PATJ: variants seen among roughly 807,000 people sequenced by gnomAD.
PATJ encodes the protein inaD-like protein.
Under a neutral mutation model 224.9 loss-of-function variants are expected in PATJ, and 190 were observed. The observed-to-expected ratio is 0.84, with a 90% CI of 0.75 to 0.95. The LOEUF (loss-of-function observed/expected upper bound fraction) is 0.95, where lower values mean the gene tolerates loss of function less well. PATJ is among the 40% of genes least tolerant of loss of function. The pLI, the probability that PATJ is intolerant of heterozygous loss-of-function variation, is 0.00. For missense variants in PATJ, 2,121 were observed against 2,270.3 expected, an observed-to-expected ratio of 0.93 and a Z score of 1.34; for synonymous variants, 769 against 820.3, an observed-to-expected ratio of 0.94 and a Z score of 1.07.
chr1:62,062,653 A>G (rs1655758767), intron 31 of PATJ, among the ~76,000 whole-genome samples: 1 of 150,514 alleles, frequency 6.6e-6, no homozygotes, highest in Non-Finnish European at 1.5e-5. Flanking sequence ...GCACCACCAC[A>G]CTTGGCTAAT....
chr1:61,871,484 T>C (rs199672828), intron 20 of PATJ, among the ~76,000 whole-genome samples: 299 of 8,452 alleles, frequency 0.035, 2 homozygotes, highest in Middle Eastern at 0.083. Context: ...CATATATATG[T>C]GTATATATGT....
chr1:62,056,787 A>G (rs942305041), intron 31 of PATJ, among the ~76,000 whole-genome samples: 13 of 152,176 alleles, frequency 8.5e-5, no homozygotes, highest in African/African-American at 3.1e-4. Flanking sequence ...TCTCAAAAAT[A>G]AAAAATCACC....
intron 41 of PATJ, among the ~76,000 whole-genome samples, chr1:62,142,849 G>A (rs142514783): frequency 3.4e-4 from 52 of 152,266 alleles, no homozygotes; most frequent in Non-Finnish European, 4.0e-4. Flanking sequence ...AGAGGAGTAG[G>A]CTATGGAGGG....
At chr1:61,996,904 G>A (rs34115734) in intron 28 of PATJ, among the ~76,000 whole-genome samples, 22,231 of 151,504 alleles carry the variant, frequency 0.15, 2,024 homozygotes, top group Non-Finnish European at 0.21. Flanking sequence ...CACCATGCCC[G>A]GCTAATTTTT....
intron 27 of PATJ, among the ~76,000 whole-genome samples, chr1:61,942,397 A>G (rs188924578): frequency 2.9e-4 from 44 of 152,266 alleles, no homozygotes; most frequent in Middle Eastern, 3.4e-3. Flanking sequence ...AAGATCCTCA[A>G]TATCATTAGT....
chr1:62,096,783 C>A lies in PATJ; in HGVS notation c.4378-11654C>A, dbSNP rs1390013130. On this transcript the variant is annotated intron_variant, in intron 33 of 43. Transcript: ENST00000642238. ...GGCACCCACCACCACACCCAGCTAACTTTTTGTATTTTTAGTACAGACGAG... is the reference window on the plus strand; with the variant it reads ...GGCACCCACCACCACACCCAGCTAAATTTTTGTATTTTTAGTACAGACGAG... Among the ~76,000 whole-genome samples, 4 of 152,112 alleles carry A rather than the reference C, an allele frequency of 2.6e-5. No homozygotes were observed. In the East Asian group the frequency reaches 7.8e-4, roughly 29 times the overall value.
intron 31 of PATJ, among the ~76,000 whole-genome samples, chr1:62,057,426 C>T (rs1654734287): frequency 6.6e-6 from 1 of 152,130 alleles, no homozygotes; most frequent in Admixed American, 6.5e-5. Context: ...ATGCTGATGG[C>T]AGTGGGAGGC....
chr1:62,144,777 A>AAATATATATATATATAT lies in PATJ; in HGVS notation c.5272-3506_5272-3505insATATATATATATATATA, dbSNP rs377489788. On this transcript the variant is annotated intron_variant, in intron 41 of 43. Transcript: ENST00000642238. ...TAGAATGTTATTTGCAAAAAAAAAA[A>AAATATATATATATATAT]ATATATATATATATATATAATTAGC... Among the ~76,000 whole-genome samples the AAATATATATATATATAT allele has an allele frequency of 1.0e-4, 12 of 119,100 alleles. No individual in the cohort carries two copies. In the East Asian group the frequency reaches 3.9e-3, roughly 38 times the overall value. 78.1% of individuals were successfully genotyped at this position (119,100 alleles called of 152,430 possible). A position where few individuals can be genotyped will look rare whatever the true frequency, so the allele number is the denominator to read the frequency against.
intron 20 of PATJ, among the ~76,000 whole-genome samples, chr1:61,865,811 G>T (rs535476629): frequency 6.6e-6 from 1 of 152,232 alleles, no homozygotes; most frequent in East Asian, 1.9e-4. Context: ...CACCTTTCCT[G>T]TTGTGATGTG....
In PATJ at chr1:61,829,687, G is replaced by A. The variant is rs112921243; in HGVS notation, c.1980+2104G>A. On this transcript the variant is annotated intron_variant, in intron 16 of 43. Coordinates refer to ENST00000642238, the MANE Select transcript of PATJ (RefSeq NM_001350145.3). ...TGAAATTTCTATAAACACAGGTTTT[G>A]TAATTGTGTGTGGTTTCTTAAAGTC... Among the ~76,000 whole-genome samples, 772 of 152,290 alleles carry A rather than the reference G, an allele frequency of 5.1e-3. 9 individuals carry two copies. Among genetic ancestry groups the A allele is most frequent in the African/African-American group, 0.017 (709 of 41,552 alleles).
Position 61,757,597 on chromosome 1 carries a change from G to C in PATJ, c.-35-5261G>C, listed in dbSNP as rs560116438. ...TACAGGGCTTTGCCATGTTATCCAG[G>C]CTGGTTTCAGACTCCTGGGCTCAAG... is the stretch of plus-strand genomic sequence containing the variant. On this transcript the variant is annotated intron_variant, in intron 1 of 43. Coordinates refer to ENST00000642238, the MANE Select transcript of PATJ (RefSeq NM_001350145.3). 2.2e-4 allele frequency among the ~76,000 whole-genome samples: 34 copies of C among 152,066 alleles called. 1 individual carries two copies. Among genetic ancestry groups the C allele is most frequent in the African/African-American group, 8.0e-4 (33 of 41,472 alleles).
chr1:61,971,428 T>TTG, intron 27 of PATJ, among the ~76,000 whole-genome samples: 2 of 151,668 alleles, frequency 1.3e-5, no homozygotes, highest in African/African-American at 2.4e-5. Flanking sequence ...GGCAGAAGGA[T>TTG]CACTTAAACT....
At chr1:61,997,664 A>G (rs1438388536) in intron 28 of PATJ, among the ~76,000 whole-genome samples, 2 of 151,984 alleles carry the variant, frequency 1.3e-5, no homozygotes, top group Non-Finnish European at 2.9e-5. Flanking sequence ...GTTTTGTATT[A>G]ATAGTTTTAG....
intron 7 of PATJ, among the ~76,000 whole-genome samples, chr1:61,777,436 T>C (rs1646975114): frequency 6.6e-6 from 1 of 151,904 alleles, no homozygotes; most frequent in South Asian, 2.1e-4. Context: ...ATGGTGCTAC[T>C]TGGGAGGCTG....
chr1:62,017,125 GCATTTGAGAGTCCTAATATACC>G (rs1646811739), intron 28 of PATJ, among the ~76,000 whole-genome samples: 1 of 152,114 alleles, frequency 6.6e-6, no homozygotes, highest in Admixed American at 6.5e-5. Flanking sequence ...AAGATTTTTA[GCATTTGAGAGTCCTAATATACC>G]CACTTAACAA....
At chr1:61,743,495 T>C (rs1055721389) in intron 1 of PATJ, among the ~76,000 whole-genome samples, 2 of 152,174 alleles carry the variant, frequency 1.3e-5, no homozygotes, top group Non-Finnish European at 2.9e-5. Flanking sequence ...TGGCTATTGG[T>C]AGGTGCGCGA....
intron 30 of PATJ, among the ~76,000 whole-genome samples, chr1:62,040,719 A>T (rs1264405010): frequency 6.6e-6 from 1 of 152,154 alleles, no homozygotes; most frequent in Admixed American, 6.5e-5. Flanking sequence ...TGTGTAAGTC[A>T]GAGTTAGAAG....
intron 28 of PATJ, among the ~76,000 whole-genome samples, chr1:61,998,376 G>A (rs1488634909): frequency 2.6e-5 from 4 of 151,504 alleles, no homozygotes; most frequent in African/African-American, 9.7e-5. Flanking sequence ...GAGCCACTGC[G>A]CCTAGCCCAG....
intron 18 of PATJ, among the ~76,000 whole-genome samples, chr1:61,858,427 A>G (rs139891667): frequency 2.6e-5 from 4 of 152,194 alleles, no homozygotes; most frequent in African/African-American, 9.6e-5. Context: ...ACGCTCAGCT[A>G]ATTTTTGTAT....
Sources: allele counts gnomAD v4.1 joint callset (sites outside exome capture counted in the v4.1 genomes callset), GRCh38; gene constraint gnomAD v4.1.1; transcripts MANE v1.5; gene names NCBI Gene and HGNC (gene_info 2026-07-23, HGNC 2026-07-21).